ASB5: variants seen among roughly 807,000 people sequenced by gnomAD.
ASB5 encodes the protein ankyrin repeat and SOCS box containing 5.
ASB5 carries 45 observed loss-of-function variants against 42.1 expected under a neutral mutation model. The ratio of observed to expected loss-of-function variants is 1.07; its 90% confidence interval spans 0.84 to 1.37. ASB5 has a LOEUF of 1.37. Ranked by LOEUF, ASB5 falls within the 40% of genes most tolerant of loss-of-function variation. The pLI is 0.00. For missense variants in ASB5, 402 were observed against 399.8 expected, an observed-to-expected ratio of 1.01 and a Z score of -0.05; for synonymous variants, 147 against 150.6, an observed-to-expected ratio of 0.98 and a Z score of 0.18.
At chr4:176,272,982 C>G (rs1428001870), upstream of ASB5, among the ~76,000 whole-genome samples, 1 of 127,104 alleles carries the variant, frequency 7.9e-6, no homozygotes, top group African/African-American at 3.0e-5. Flanking sequence ...GGGTCTTGCT[C>G]TGTCACCCAG....
chr4:176,245,339 A>G (rs1038693200), intron 1 of ASB5, among the ~76,000 whole-genome samples: 2 of 152,218 alleles, frequency 1.3e-5, no homozygotes, highest in Non-Finnish European at 2.9e-5. Flanking sequence ...AGTCAAAACC[A>G]CAATGAGGTA....
At chr4:176,268,381 G>A (rs74839354) in intron 1 of ASB5, among the ~76,000 whole-genome samples, 4,879 of 152,134 alleles carry the variant, frequency 0.032, 278 homozygotes, top group East Asian at 0.28. Flanking sequence ...AACACATGTC[G>A]TCAATCTTCT....
intron 1 of ASB5, among the ~76,000 whole-genome samples, chr4:176,226,387 G>A (rs759654416): frequency 2.0e-5 from 3 of 152,156 alleles, no homozygotes; most frequent in Non-Finnish European, 4.4e-5. Context: ...ACCTCTGACT[G>A]AGAATTATAT....
chr4:176,225,154 G>A, intron 2 of ASB5, 108 bp downstream of exon 2: 5 of 799,138 alleles, frequency 6.3e-6, no homozygotes, highest in South Asian at 4.2e-5. Context: ...AAAATAAAAG[G>A]GCAGAAGTAA....
Position 176,215,667 on chromosome 4 carries a change from G to A in ASB5, c.923C>T (p.Pro308Leu). The change falls in exon 7 of 7, where the codon CCA becomes CTA. Residue 308 changes from proline to leucine, a missense_variant. Pro to Leu is a moderately conservative substitution (Grantham distance 98). Transcript: ENST00000296525. ...GAGTTGTGGGATAAGGTGCAATCTT[G>A]GTTTTCCTATGTAGCTTCGGATACA... ...RLCIRSYIGK[P>L]RLHLIPQLQL... The A allele has an allele frequency of 1.2e-6, 2 of 1,613,010 alleles. No individual in the cohort carries two copies. The highest frequency in any genetic ancestry group is 1.1e-5 in the South Asian group (1 of 91,032).
At chr4:176,275,166 C>T (rs1169689577) in intron 2 of ASB5, among the ~76,000 whole-genome samples, 4 of 152,058 alleles carry the variant, frequency 2.6e-5, no homozygotes, top group African/African-American at 9.7e-5. Flanking sequence ...CCGCCCGTCT[C>T]GGCCTCCCAA....
intron 1 of ASB5, among the ~76,000 whole-genome samples, chr4:176,254,265 T>C (rs1483446213): frequency 2.6e-5 from 4 of 152,138 alleles, no homozygotes; most frequent in Non-Finnish European, 5.9e-5. Flanking sequence ...GCTGCAGACC[T>C]ACGGCCCTCT....
intron 1 of ASB5, among the ~76,000 whole-genome samples, chr4:176,229,360 A>T (rs1753464042): frequency 6.6e-6 from 1 of 152,196 alleles, no homozygotes. Context: ...TTTAAGGGGA[A>T]GTAAAGCTAA....
chr4:176,271,999 G>C (rs1023995918), upstream of ASB5, among the ~76,000 whole-genome samples: 1 of 151,984 alleles, frequency 6.6e-6, no homozygotes, highest in Non-Finnish European at 1.5e-5. Flanking sequence ...ACACACAGAA[G>C]AGATCATACA....
intron 1 of ASB5, chr4:176,241,714 C>A: frequency 8.0e-7 from 1 of 1,245,430 alleles, no homozygotes; most frequent in Non-Finnish European, 1.0e-6. Context: ...CTGACATAAG[C>A]ATCTTGGAAA....
intron 1 of ASB5, 84 bp from the exon 2 acceptor site, chr4:176,225,425 A>G (rs2126949168): frequency 8.8e-7 from 1 of 1,137,898 alleles, no homozygotes; most frequent in Non-Finnish European, 1.3e-6. Context: ...CAATACCAAG[A>G]TCACATAAAT....
chr4:176,219,298 G>T (rs1753102128), intron 5 of ASB5, among the ~76,000 whole-genome samples: 1 of 99,448 alleles, frequency 1.0e-5, no homozygotes, highest in African/African-American at 3.8e-5. Flanking sequence ...ATATATATTT[G>T]TATGATATAT....
intron 1 of ASB5, among the ~76,000 whole-genome samples, chr4:176,276,786 G>A (rs1415725143): frequency 1.3e-5 from 2 of 152,154 alleles, no homozygotes; most frequent in Non-Finnish European, 2.9e-5. Context: ...GTATATTACC[G>A]TAACCCTAAC....
rs1450894066 is a variant in ASB5, at chr4:176,251,535, C to T, written c.196+17378G>A. On this transcript the variant is annotated intron_variant, in intron 1 of 6. Coordinates refer to ENST00000296525, the MANE Select transcript of ASB5 (RefSeq NM_080874.4). ...CGAGATCCCGCCACTGCACTCCAGCCTGGGCGACACAGTGAGACTCTGTCT... is the reference window on the plus strand; with the variant it reads ...CGAGATCCCGCCACTGCACTCCAGCTTGGGCGACACAGTGAGACTCTGTCT... 6.5e-5 allele frequency among the ~76,000 whole-genome samples: 4 copies of T among 61,960 alleles called. 2 individuals carry two copies. Among genetic ancestry groups the T allele is most frequent in the African/African-American group, 2.4e-4 (4 of 16,368 alleles). The allele number at this position is 61,960 out of a possible 152,430, so 40.6% of individuals were successfully genotyped here. A position where few individuals can be genotyped will look rare whatever the true frequency, so the allele number is the denominator to read the frequency against.
intron 1 of ASB5, among the ~76,000 whole-genome samples, chr4:176,259,399 T>C (rs756667158): frequency 6.6e-6 from 1 of 152,210 alleles, no homozygotes; most frequent in African/African-American, 2.4e-5. Flanking sequence ...GTGAATGAAG[T>C]AGAATTTGGA....
intron 3 of ASB5, 128 bp from the exon 4 acceptor site, chr4:176,221,728 C>A (rs1753218301): frequency 2.3e-6 from 2 of 869,762 alleles, no homozygotes. Flanking sequence ...TTAAATATGA[C>A]AAAGTATACT....
At chr4:176,247,714 C>A (rs964679227) in intron 1 of ASB5, among the ~76,000 whole-genome samples, 2 of 152,168 alleles carry the variant, frequency 1.3e-5, no homozygotes, top group African/African-American at 4.8e-5. Context: ...GGAAGAAATA[C>A]TTCCATTACC....
At chr4:176,241,375 A>G in intron 1 of ASB5, 6 of 1,061,196 alleles carry the variant, frequency 5.7e-6, no homozygotes, top group Admixed American at 3.1e-5. Flanking sequence ...ATGAATGTTT[A>G]CTCCAAAATT....
rs202079743 is a variant in ASB5, at chr4:176,216,786, T to C, written c.862+32A>G. ...ATCTATTTTAGGCAAATATATTTTG[T>C]TTTTGTAAGTTTCCACATGTATTTT... On this transcript the variant is annotated intron_variant, in intron 6 of 6. Transcript: ENST00000296525. 2.9e-5 allele frequency: 43 copies of C among 1,505,638 alleles called. No homozygotes were observed. The East Asian group carries it at 8.8e-4, about 31-fold the overall frequency. The allele number at this position is 1,505,638 out of a possible 1,614,324, so 93.3% of individuals were successfully genotyped here. A position where few individuals can be genotyped will look rare whatever the true frequency, so the allele number is the denominator to read the frequency against.
Sources: gnomAD v4.1 joint callset for allele counts (sites outside exome capture counted in the v4.1 genomes callset) on GRCh38, gnomAD v4.1.1 for gene constraint, MANE v1.5 for transcripts, NCBI Gene and HGNC (gene_info 2026-07-23, HGNC 2026-07-21) for gene names.